ANO3: variants seen among roughly 807,000 people sequenced by gnomAD.
The protein encoded by ANO3 is anoctamin-3.
ANO3 carries 99 observed loss-of-function variants against 144.8 expected under a neutral mutation model. The observed-to-expected ratio is 0.68, with a 90% confidence interval of 0.58 to 0.81. The LOEUF is 0.81. Ranked by LOEUF, ANO3 falls within the 30% of genes least tolerant of loss-of-function variation. ANO3 has a pLI of 0.00. For synonymous variants in ANO3, 414 were observed against 392.6 expected, an observed-to-expected ratio of 1.05 and a Z score of -0.64; for missense variants, 905 against 1,202.2, an observed-to-expected ratio of 0.75 and a Z score of 3.66.
chr11:26,534,443 C>T lies in ANO3; in HGVS notation c.870-13C>T, dbSNP rs200447911. The T allele has an allele frequency of 5.4e-5, 85 of 1,569,456 alleles. No individual in the cohort carries two copies. The African/African-American group carries it at 7.7e-4, about 14-fold the overall frequency. On this transcript the variant is annotated splice_polypyrimidine_tract_variant and intron_variant, in intron 8 of 26. Transcript: ENST00000256737. ...CTGCTTTGAATATTAAACCAATCCC[C>T]TCATCTTAACAGCTTCATAATAAAT...
intron 14 of ANO3, among the ~76,000 whole-genome samples, chr11:26,587,618 G>A (rs1851322750): frequency 6.6e-6 from 1 of 152,102 alleles, no homozygotes; most frequent in African/African-American, 2.4e-5. Flanking sequence ...TTTCTTTTCA[G>A]CCCCTCACTG....
At chr11:26,364,318 T>C (rs1318445765) in intron 1 of ANO3, among the ~76,000 whole-genome samples, 2 of 152,216 alleles carry the variant, frequency 1.3e-5, no homozygotes, top group Admixed American at 6.5e-5. Flanking sequence ...TTGGATTTAA[T>C]AACATCACTG....
upstream of ANO3, among the ~76,000 whole-genome samples, chr11:26,330,381 T>C (rs1855006771): frequency 6.6e-6 from 1 of 152,286 alleles, no homozygotes; most frequent in East Asian, 1.9e-4. Flanking sequence ...CTCTGAACTG[T>C]GTTTTAGATC....
rs149949813 is a variant in ANO3, at chr11:26,285,341, A to G, written c.155-24304A>G. 1.4e-3 allele frequency among the ~76,000 whole-genome samples: 215 copies of G among 152,312 alleles called. 1 individual carries two copies. Among genetic ancestry groups the G allele is most frequent in the African/African-American group, 4.9e-3 (204 of 41,566 alleles). ...AAAAAGAATCTAAAAATAAAGCAAGACATGTTGTATGAAATTTGAAAGATG... is the reference window on the plus strand; with the variant it reads ...AAAAAGAATCTAAAAATAAAGCAAGGCATGTTGTATGAAATTTGAAAGATG... On this transcript the variant is annotated intron_variant, in intron 1 of 27. Coordinates refer to the ANO3 transcript ENST00000672621.
intron 5 of ANO3, among the ~76,000 whole-genome samples, chr11:26,515,816 T>C (rs1329889410): frequency 2.6e-5 from 4 of 151,986 alleles, no homozygotes; most frequent in Non-Finnish European, 5.9e-5. Context: ...CAACAGTTCT[T>C]TTATTTCAGA....
chr11:26,219,127 C>T (rs1329834406), intron 1 of ANO3, among the ~76,000 whole-genome samples: 1 of 152,082 alleles, frequency 6.6e-6, no homozygotes, highest in Non-Finnish European at 1.5e-5. Flanking sequence ...CCCCGACATC[C>T]ACCATGAATT....
intron 14 of ANO3, among the ~76,000 whole-genome samples, chr11:26,573,322 C>T (rs1590569557): frequency 6.6e-6 from 1 of 152,120 alleles, no homozygotes; most frequent in East Asian, 1.9e-4. Context: ...AAACCAACCC[C>T]GAAAAAATAT....
intron 1 of ANO3, among the ~76,000 whole-genome samples, chr11:26,435,091 C>T (rs1297213668): frequency 1.3e-5 from 2 of 152,134 alleles, no homozygotes; most frequent in East Asian, 3.8e-4. Flanking sequence ...CTTTATGAAT[C>T]TGGGCGCTCC....
Position 26,442,050 on chromosome 11 carries a change from C to G in ANO3, c.179C>G (p.Thr60Ser). 6.2e-7 allele frequency: 1 copy of G among 1,614,200 alleles called. No individual in the cohort carries two copies. ...LSQSTSLFQS[T>S]ESESQAPTSI... ...CAGTCTACTTCCCTCTTCCAGTCAA[C>G]CGAGAGTGAATCTCAGGCTCCCACA... Residue 60 changes from threonine to serine, a missense_variant, in exon 2 of 27, where the codon ACC (threonine) becomes AGC (serine). Transcript: ENST00000256737.
chr11:26,641,675 A>G (rs1350739366), intron 21 of ANO3, among the ~76,000 whole-genome samples: 2 of 152,176 alleles, frequency 1.3e-5, no homozygotes, highest in Admixed American at 1.3e-4. Context: ...CTACTCTCCT[A>G]TGCTAAAGTT....
chr11:26,585,155 G>C (rs7116077), intron 14 of ANO3, among the ~76,000 whole-genome samples: 30,233 of 152,096 alleles, frequency 0.2, 3,213 homozygotes, highest in East Asian at 0.33. Flanking sequence ...ACTTTCCAGA[G>C]TGGTTAAAAA....
chr11:26,276,278 A>C (rs1853558900), intron 1 of ANO3, among the ~76,000 whole-genome samples: 1 of 151,982 alleles, frequency 6.6e-6, no homozygotes, highest in South Asian at 2.1e-4. Flanking sequence ...AGATACCTAA[A>C]CTCTACCTTA....
At chr11:26,527,510 G>GA (rs1158792154) in intron 7 of ANO3, among the ~76,000 whole-genome samples, 1 of 151,964 alleles carries the variant, frequency 6.6e-6, no homozygotes, top group African/African-American at 2.4e-5. Context: ...ACATTAAACT[G>GA]AAAAAAATTA....
At chr11:26,467,354 A>C (rs368575483) in intron 4 of ANO3, among the ~76,000 whole-genome samples, 4 of 151,958 alleles carry the variant, frequency 2.6e-5, no homozygotes, top group African/African-American at 9.7e-5. Flanking sequence ...TAGTCACCCT[A>C]TTGTGCTATC....
upstream of ANO3, among the ~76,000 whole-genome samples, chr11:26,308,726 G>A (rs554248657): frequency 1.6e-4 from 24 of 152,274 alleles, no homozygotes; most frequent in African/African-American, 5.5e-4. Flanking sequence ...GGTATCCACC[G>A]TTAAGGAACT....
intron 3 of ANO3, 29 bp downstream of exon 3, chr11:26,443,865 C>G (rs1304106142): frequency 6.1e-6 from 9 of 1,469,192 alleles, no homozygotes; most frequent in African/African-American, 2.8e-5. Flanking sequence ...TTTACCTACT[C>G]CTTTCCCTCT....
chr11:26,419,239 G>A (rs549020524), intron 1 of ANO3, among the ~76,000 whole-genome samples: 3 of 152,190 alleles, frequency 2.0e-5, no homozygotes, highest in South Asian at 4.1e-4. Flanking sequence ...CAGCACTAGG[G>A]AGATGGTGTT....
chr11:26,267,961 T>G (rs1853351971), intron 1 of ANO3, among the ~76,000 whole-genome samples: 1 of 152,122 alleles, frequency 6.6e-6, no homozygotes, highest in African/African-American at 2.4e-5. Flanking sequence ...TCCAAAGTAA[T>G]CTGTGAATAA....
At chr11:26,534,360 C>T in intron 8 of ANO3, 96 bp from the exon 9 acceptor site, 1 of 680,480 alleles carries the variant, frequency 1.5e-6, no homozygotes, top group Non-Finnish European at 2.5e-6. Context: ...TTCTGATTTA[C>T]TATGCTTCAT....
Sources: allele counts gnomAD v4.1 joint callset (sites outside exome capture counted in the v4.1 genomes callset), GRCh38; gene constraint gnomAD v4.1.1; transcripts MANE v1.5; gene names NCBI Gene and HGNC (gene_info 2026-07-23, HGNC 2026-07-21).